CACNA2D1: variants seen among roughly 807,000 people sequenced by gnomAD.
The protein encoded by CACNA2D1 is voltage-dependent calcium channel subunit alpha-2/delta-1.
Under a neutral mutation model 171.5 loss-of-function variants are expected in CACNA2D1, and 53 were observed. That is an observed-to-expected ratio of 0.31 (90% CI 0.25 to 0.39). The LOEUF is 0.39. CACNA2D1 is among the 10% of genes least tolerant of loss of function. The probability of loss-of-function intolerance (pLI) is 1.00; values close to 1 mark genes in which losing one functional copy is unlikely to be tolerated. For synonymous variants in CACNA2D1, 442 were observed against 443.1 expected (o/e 1.00, Z 0.03); for missense variants, 903 against 1,299.8 (o/e 0.69, Z 4.69).
intron 19 of CACNA2D1, among the ~76,000 whole-genome samples, chr7:81,996,063 T>G (rs549611205): frequency 6.6e-6 from 1 of 152,332 alleles, no homozygotes; most frequent in South Asian, 2.1e-4. Context: ...GCTTCTAATG[T>G]AAGTTGAGTG....
chr7:81,999,342 G>A (rs999640935), intron 18 of CACNA2D1, among the ~76,000 whole-genome samples: 1 of 152,148 alleles, frequency 6.6e-6, no homozygotes, highest in East Asian at 1.9e-4. Context: ...AAAGCACCAA[G>A]AGAGGCTGAA....
chr7:82,290,341 G>A (rs115240795), intron 3 of CACNA2D1, among the ~76,000 whole-genome samples: 13 of 152,016 alleles, frequency 8.6e-5, no homozygotes, highest in African/African-American at 2.9e-4. Flanking sequence ...TAGACAATTC[G>A]ACAAGGAAAC....
At position 82,394,669 on chromosome 7, in the gene CACNA2D1, T is replaced by C. The variant is rs1462976380; in HGVS notation, c.96-45020A>G. 5.3e-5 allele frequency among the ~76,000 whole-genome samples: 8 copies of C among 152,252 alleles called. No homozygotes were observed. In the East Asian group the frequency reaches 1.5e-3, roughly 29 times the overall value. ...TTTTTTGGTTTTGTTTGCTTGTGTG[T>C]TTTCCCAGAATCTTGTTTCATAAAG... On this transcript the variant is annotated intron_variant, in intron 1 of 38. Coordinates refer to ENST00000356860, the MANE Select transcript of CACNA2D1 (RefSeq NM_000722.4).
intron 38 of CACNA2D1, among the ~76,000 whole-genome samples, chr7:81,953,336 A>G (rs1363791541): frequency 6.6e-6 from 1 of 152,004 alleles, no homozygotes; most frequent in Middle Eastern, 3.2e-3. Context: ...TACATTCTTT[A>G]TTGAGGTCTA....
chr7:82,004,172 C>T (rs907358665), intron 18 of CACNA2D1, among the ~76,000 whole-genome samples: 1 of 152,120 alleles, frequency 6.6e-6, no homozygotes, highest in African/African-American at 2.4e-5. Flanking sequence ...AAAAAGTTTT[C>T]AAGCTATAGC....
At chr7:82,042,346 A>T (rs779976937) in intron 10 of CACNA2D1, among the ~76,000 whole-genome samples, 184 of 152,192 alleles carry the variant, frequency 1.2e-3, no homozygotes, top group Non-Finnish European at 2.2e-3. Flanking sequence ...AAAACCACAT[A>T]TTAAAAACCT....
At chr7:82,200,904 G>A (rs1799355593) in intron 3 of CACNA2D1, among the ~76,000 whole-genome samples, 1 of 152,224 alleles carries the variant, frequency 6.6e-6, no homozygotes, top group South Asian at 2.1e-4. Context: ...TCTTATGACT[G>A]GAGAACGATA....
intron 1 of CACNA2D1, among the ~76,000 whole-genome samples, chr7:82,363,919 C>T (rs1185969693): frequency 2.0e-5 from 3 of 151,950 alleles, no homozygotes; most frequent in Non-Finnish European, 4.4e-5. Flanking sequence ...AACAAGTAGC[C>T]CAAAGGAATA....
chr7:82,218,181 G>A (rs1346128152), intron 3 of CACNA2D1, among the ~76,000 whole-genome samples: 2 of 151,944 alleles, frequency 1.3e-5, no homozygotes, highest in African/African-American at 2.4e-5. Flanking sequence ...TGATCCACCC[G>A]CCTCAGCCTC....
chr7:82,238,600 A>C (rs1363989574), intron 3 of CACNA2D1, among the ~76,000 whole-genome samples: 1 of 152,088 alleles, frequency 6.6e-6, no homozygotes, highest in Non-Finnish European at 1.5e-5. Flanking sequence ...GAAAAAAAAG[A>C]AACGCTTATG....
intron 3 of CACNA2D1, among the ~76,000 whole-genome samples, chr7:82,314,656 C>T (rs1814878742): frequency 6.6e-6 from 1 of 152,228 alleles, no homozygotes; most frequent in African/African-American, 2.4e-5. Flanking sequence ...ATTTAATTTA[C>T]ATTGTTCATA....
chr7:82,391,285 C>A (rs141347249), intron 1 of CACNA2D1, among the ~76,000 whole-genome samples: 5 of 152,266 alleles, frequency 3.3e-5, no homozygotes, highest in African/African-American at 1.2e-4. Context: ...TAGATGGAAA[C>A]AAGTTATGTA....
chr7:82,367,901 A>G (rs1228346850), intron 1 of CACNA2D1, among the ~76,000 whole-genome samples: 1 of 152,068 alleles, frequency 6.6e-6, no homozygotes, highest in Non-Finnish European at 1.5e-5. Flanking sequence ...TGTGCAAAAA[A>G]TTTTTCTATT....
intron 1 of CACNA2D1, among the ~76,000 whole-genome samples, chr7:82,443,134 G>A (rs1256759531): frequency 6.6e-6 from 1 of 152,066 alleles, no homozygotes; most frequent in Non-Finnish European, 1.5e-5. Flanking sequence ...CGGGACAGTC[G>A]GCCCCCAGTG....
chr7:82,003,550 C>G (rs1299888736), intron 18 of CACNA2D1, among the ~76,000 whole-genome samples: 1 of 150,708 alleles, frequency 6.6e-6, no homozygotes, highest in Non-Finnish European at 1.5e-5. Flanking sequence ...TTCTCTTTCA[C>G]TATGAAAACT....
intron 6 of CACNA2D1, among the ~76,000 whole-genome samples, chr7:82,100,134 TTA>T (rs1261921097): frequency 9.9e-5 from 15 of 152,232 alleles, no homozygotes; most frequent in African/African-American, 3.6e-4. Flanking sequence ...TGCAAAAACC[TTA>T]TATAATTTTT....
chr7:81,993,754 C>A (rs1365493633), intron 20 of CACNA2D1, among the ~76,000 whole-genome samples: 1 of 151,938 alleles, frequency 6.6e-6, no homozygotes, highest in East Asian at 1.9e-4. Context: ...ATAGTGTGTT[C>A]ATCAGAGACA....
intron 1 of CACNA2D1, among the ~76,000 whole-genome samples, chr7:82,357,117 T>C (rs1038212446): frequency 1.3e-5 from 2 of 152,164 alleles, no homozygotes; most frequent in African/African-American, 4.8e-5. Flanking sequence ...AAAATAAACA[T>C]ATAGAATATG....
At chr7:82,093,507 T>C (rs1272407994) in intron 6 of CACNA2D1, among the ~76,000 whole-genome samples, 1 of 152,132 alleles carries the variant, frequency 6.6e-6, no homozygotes, top group Non-Finnish European at 1.5e-5. Context: ...CCCAGTAATG[T>C]CCAACAACAC....
Sources: allele counts gnomAD v4.1 joint callset (sites outside exome capture counted in the v4.1 genomes callset), GRCh38; gene constraint gnomAD v4.1.1; transcripts MANE v1.5; gene names NCBI Gene and HGNC (gene_info 2026-07-23, HGNC 2026-07-21).